CDHR5: variants seen among roughly 807,000 people sequenced by gnomAD.
CDHR5 encodes cadherin related family member 5, also known as cadherin-related family member 5.
A neutral mutation model predicts 69.5 loss-of-function variants in CDHR5; 82 were observed. That is an observed-to-expected ratio of 1.18 (90% confidence interval 0.99 to 1.42). CDHR5 has a LOEUF of 1.42. CDHR5 is among the 40% of genes most tolerant of loss of function. The pLI is 0.00. For missense variants in CDHR5, 1,293 were observed against 1,168.9 expected, an observed-to-expected ratio of 1.11 and a Z score of -1.55; for synonymous variants, 601 against 510.2, an observed-to-expected ratio of 1.18 and a Z score of -2.40.
Position 617,698 on chromosome 11 carries a change from TG to T in CDHR5, c.2190del (p.Ser731AlafsTer44), listed in dbSNP as rs1228979975. On this transcript the variant is annotated frameshift_variant, in exon 15 of 15. Coordinates refer to ENST00000397542, the MANE Select transcript of CDHR5 (RefSeq NM_021924.5). LOFTEE classifies it low-confidence loss of function (END_TRUNC). ...GCGGGCTTGGGGTCGTGCGTGGGGC[TG>T]GGGACGGGCGCCCAGTTGGCCTTGT... is the stretch of plus-strand genomic sequence containing the variant. Reference protein sequence around the residue: ...PDHKANWAPVPSPTHDPKPAE... With the variant: ...PDHKANWAPVXSPTHDPKPAE... 1.4e-6 allele frequency: 2 copies of T among 1,464,728 alleles called. No homozygotes were observed. The highest frequency in any genetic ancestry group is 2.7e-5 in the Admixed American group (1 of 37,674). The allele number at this position is 1,464,728 out of a possible 1,614,324, so 90.7% of individuals were successfully genotyped here.
chr11:620,504 T>C lies in CDHR5; in HGVS notation c.790-118A>G, dbSNP rs535564538. 211 of 660,094 alleles carry C rather than the reference T, an allele frequency of 3.2e-4. 1 individual carries two copies. In the African/African-American group the frequency reaches 3.2e-3, roughly 10 times the overall value. 40.9% of individuals were successfully genotyped at this position (660,094 alleles called of 1,614,324 possible). A position where few individuals can be genotyped will look rare whatever the true frequency, so the allele number is the denominator to read the frequency against. On this transcript the variant is annotated intron_variant, in intron 7 of 14. Coordinates refer to ENST00000397542, the MANE Select transcript of CDHR5 (RefSeq NM_021924.5). ...CTGAGGAGGGGCCCAGTCCCGCTGGTGGCCGGGCGTCCCTGCCTGCCTAGG... is the reference window on the plus strand; with the variant it reads ...CTGAGGAGGGGCCCAGTCCCGCTGGCGGCCGGGCGTCCCTGCCTGCCTAGG...
rs1857590577 is a variant in CDHR5, at chr11:624,347, G to A, written c.262-84C>T. 1.4e-6 allele frequency: 1 copy of A among 731,316 alleles called. No individual in the cohort carries two copies. The highest frequency in any genetic ancestry group is 1.7e-5 in the African/African-American group (1 of 57,748). 45.3% of individuals were successfully genotyped at this position (731,316 alleles called of 1,614,324 possible). A position where few individuals can be genotyped will look rare whatever the true frequency, so the allele number is the denominator to read the frequency against. On this transcript the variant is annotated intron_variant, in intron 2 of 14. Coordinates refer to ENST00000397542, the MANE Select transcript of CDHR5 (RefSeq NM_021924.5). This position sits in a 1 kb window ranked among gnomAD's most constrained non-coding sequence, Gnocchi z 5.3. Reference sequence around the variant, plus strand: ...CCAAGTGGGCAGGCGCTGGCCCAGGGTCCCCATCATCAGTGGTCAGTGCTG... The same window carrying A: ...CCAAGTGGGCAGGCGCTGGCCCAGGATCCCCATCATCAGTGGTCAGTGCTG...
In CDHR5 at chr11:619,129, G is replaced by A. The variant is rs965284051; in HGVS notation, c.1430C>T (p.Thr477Ile). The A allele has an allele frequency of 1.7e-5, 27 of 1,589,766 alleles. No homozygotes were observed. Among genetic ancestry groups the A allele is most frequent in the African/African-American group, 6.8e-5 (5 of 73,854 alleles). ...AGGGGGTCTGGGGACCTCGGAAGTG[G>A]TGCTGGTCCAGGGCCCAGTTGTTCC... ...AGGTTGPWTS[T>I]TSEVPRPPEP... The change falls in exon 13 of 15, where the codon ACC (threonine) becomes ATC (isoleucine). Residue 477 changes from threonine (T) to isoleucine (I), a missense_variant. Thr to Ile is a moderately conservative substitution (Grantham distance 89). Coordinates refer to ENST00000397542, the MANE Select transcript of CDHR5 (RefSeq NM_021924.5).
rs370625525 is a variant in CDHR5, at chr11:618,054, C to A, written c.2018G>T (p.Gly673Val). The A allele has an allele frequency of 1.1e-5, 17 of 1,612,084 alleles. No homozygotes were observed. Among genetic ancestry groups the A allele is most frequent in the Non-Finnish European group, 5.1e-6 (6 of 1,179,644 alleles). ...FSVVDMAALG[G>V]VLGALLLLAL... ...CAGCAGCAGCAGCGCACCCAGCACCCCGCCCAGGGCCGCCATATCCACCAC... is the reference window on the plus strand; with the variant it reads ...CAGCAGCAGCAGCGCACCCAGCACCACGCCCAGGGCCGCCATATCCACCAC... Residue 673 changes from glycine to valine, a missense_variant, in exon 14 of 15, where the codon GGG becomes GTG. Coordinates refer to ENST00000397542, the MANE Select transcript of CDHR5 (RefSeq NM_021924.5).
chr11:623,803 C>T (rs115639586), intron 3 of CDHR5, among the ~76,000 whole-genome samples: 2,292 of 151,970 alleles, frequency 0.015, 59 homozygotes, highest in African/African-American at 0.053. Flanking sequence ...GTGTCCCGGC[C>T]CTGATGGGAC....
chr11:617,919 T>G (rs560553793), intron 14 of CDHR5, 35 bp downstream of exon 14: 1 of 1,600,538 alleles, frequency 6.2e-7, no homozygotes, highest in South Asian at 1.1e-5. Flanking sequence ...ACTTCCTGCC[T>G]GGTCGCCTGC....
Position 618,013 on chromosome 11 carries a change from C to T in CDHR5, c.2059G>A (p.Ala687Thr), listed in dbSNP as rs7108757. 0.22 allele frequency: 348,685 copies of T among 1,610,710 alleles called. 39,855 individuals are homozygous for T. The highest frequency in any genetic ancestry group is 0.27 in the Admixed American group (16,111 of 59,790). The change falls in exon 14 of 15, where the codon GCC (alanine) becomes ACC (threonine). Residue 687 changes from alanine to threonine, a missense_variant. By Grantham distance (58) the Ala-to-Thr change is moderately conservative (BLOSUM62 0). Transcript: ENST00000397542. ...CCATAGTGCTTGTGGACAAGGACGGCGAGGCCAAGGAGAGCCAGCAGCAGC... is the reference window on the plus strand; with the variant it reads ...CCATAGTGCTTGTGGACAAGGACGGTGAGGCCAAGGAGAGCCAGCAGCAGC... ...ALLLLALLGLAVLVHKHYGPR... is the reference protein window; with the variant it reads ...ALLLLALLGLTVLVHKHYGPR...
intron 3 of CDHR5, among the ~76,000 whole-genome samples, chr11:622,451 T>G (rs1857469591): frequency 2.6e-5 from 4 of 151,916 alleles, no homozygotes; most frequent in East Asian, 1.9e-4. Flanking sequence ...TTTTTGTTTT[T>G]GTTTTTTGGT....
Position 617,179 on chromosome 11 carries a change from A to C in CDHR5, c.*172T>G, listed in dbSNP as rs1032019553. On this transcript the variant is annotated 3_prime_UTR_variant, in exon 15 of 15. Coordinates refer to ENST00000397542, the MANE Select transcript of CDHR5 (RefSeq NM_021924.5). ...CCGCCTCATCTGCACACCTGGGCTC[A>C]AGCGCTAATGACGACAGGGGACTGA... is the stretch of plus-strand genomic sequence containing the variant. The C allele has an allele frequency of 3.3e-6, 2 of 611,996 alleles. No homozygotes were observed. The highest frequency in any genetic ancestry group is 1.9e-5 in the African/African-American group (1 of 53,504). The allele number at this position is 611,996 out of a possible 1,614,324, so 37.9% of individuals were successfully genotyped here. A position where few individuals can be genotyped will look rare whatever the true frequency, so the allele number is the denominator to read the frequency against.
In CDHR5 at chr11:621,581, G is replaced by A. The variant is rs770572456; in HGVS notation, c.488C>T (p.Thr163Ile). 10 of 1,613,418 alleles carry A rather than the reference G, an allele frequency of 6.2e-6. No individual in the cohort carries two copies. Among genetic ancestry groups the A allele is most frequent in the South Asian group, 3.3e-5 (3 of 91,070 alleles). ...DRDKDDILFY[T>I]LQEMTAGASD... Reference sequence around the variant, plus strand: ...ACTGACTGCTGTCATTTCCTGGAGGGTGTAGAACAGAATGTCGTCCTTGTC... The same window carrying A: ...ACTGACTGCTGTCATTTCCTGGAGGATGTAGAACAGAATGTCGTCCTTGTC... Residue 163 changes from threonine (T) to isoleucine (I), a missense_variant, in exon 5 of 15, where the codon ACC (threonine) becomes ATC (isoleucine). By Grantham distance (89) the Thr-to-Ile change is moderately conservative. Transcript: ENST00000397542. This position sits in a 1 kb window ranked among gnomAD's most constrained non-coding sequence, Gnocchi z 4.4.
chr11:618,954 G>C lies in CDHR5; in HGVS notation c.1605C>G (p.Pro535=), dbSNP rs781171559. Residue 535 remains proline, a synonymous_variant, in exon 13 of 15, where the codon CCC becomes CCG. Coordinates refer to ENST00000397542, the MANE Select transcript of CDHR5 (RefSeq NM_021924.5). ...ENSTSHQPAT[P]GGDTAQTPKP... ...TTGGGGTCTGTGCTGTGTCCCCACC[G>C]GGAGTGGCTGGTTGGTGGGAGGTGC... is the stretch of plus-strand genomic sequence containing the variant. 1 of 1,610,780 alleles carries C rather than the reference G, an allele frequency of 6.2e-7. No homozygotes were observed. Among genetic ancestry groups the C allele is most frequent in the African/African-American group, 1.3e-5 (1 of 74,758 alleles).
chr11:622,538 C>T (rs1857474520), intron 3 of CDHR5, among the ~76,000 whole-genome samples: 1 of 151,670 alleles, frequency 6.6e-6, no homozygotes, highest in Non-Finnish European at 1.5e-5. Flanking sequence ...CGGCTCACTG[C>T]AACCTCTGCC....
rs1589935712 is a variant in CDHR5 at position 619,106 on chromosome 11, G to A, written c.1453C>T (p.Pro485Ser). 1 of 1,604,370 alleles carries A rather than the reference G, an allele frequency of 6.2e-7. No individual in the cohort carries two copies. Among genetic ancestry groups the A allele is most frequent in the Non-Finnish European group, 8.5e-7 (1 of 1,176,800 alleles). ...GTGGAGGGTCCCTGGGAGGGCTCAG[G>A]GGGTCTGGGGACCTCGGAAGTGGTG... ...TSTTSEVPRP[P>S]EPSQGPSTTS... Residue 485 changes from proline (P) to serine (S), a missense_variant, in exon 13 of 15, where the codon CCT becomes TCT. Physicochemically the swap from Pro to Ser is moderately conservative, Grantham distance 74. Transcript: ENST00000397542.
In CDHR5 at chr11:621,328, T is replaced by C. The variant is rs375267795; in HGVS notation, c.618+17A>G. ...GCCTCAAGTGTGTGGGACTCGGGGC[T>C]GGGGTGACCTGCTCACCCGCACCAG... On this transcript the variant is annotated intron_variant, in intron 6 of 14. Transcript: ENST00000397542. This position sits in a 1 kb window ranked among gnomAD's most constrained non-coding sequence, Gnocchi z 4.4. 37 of 1,612,126 alleles carry C rather than the reference T, an allele frequency of 2.3e-5. No homozygotes were observed. Among genetic ancestry groups the C allele is most frequent in the Non-Finnish European group, 2.9e-5 (34 of 1,179,090 alleles).
Position 621,821 on chromosome 11 carries a change from C to G in CDHR5, c.396G>C (p.Arg132Ser). ...PEFPFKTKEI[R>S]VEEDTKVNST... ...GCTTCGCTGGCCTCACCTCCTCCAC[C>G]CTTATCTCCTTGGTCTTAAAGGGGA... The change falls in exon 4 of 15, where the codon AGG becomes AGC. Residue 132 changes from arginine to serine, a missense_variant. Transcript: ENST00000397542. This position sits in a 1 kb window ranked among gnomAD's most constrained non-coding sequence, Gnocchi z 4.4. 1 of 1,613,290 alleles carries G rather than the reference C, an allele frequency of 6.2e-7. No homozygotes were observed. Among genetic ancestry groups the G allele is most frequent in the Non-Finnish European group, 8.5e-7 (1 of 1,179,524 alleles).
Position 624,369 on chromosome 11 carries a change from G to A in CDHR5, c.262-106C>T. 2 of 742,238 alleles carry A rather than the reference G, an allele frequency of 2.7e-6. No individual in the cohort carries two copies. Among genetic ancestry groups the A allele is most frequent in the Non-Finnish European group, 2.5e-6 (1 of 406,430 alleles). The allele number at this position is 742,238 out of a possible 1,614,324, so 46.0% of individuals were successfully genotyped here. A position where few individuals can be genotyped will look rare whatever the true frequency, so the allele number is the denominator to read the frequency against. ...AGGGTCCCCATCATCAGTGGTCAGT[G>A]CTGAGGGTGTGGGCCCAGGCAGCTT... On this transcript the variant is annotated intron_variant, in intron 2 of 14. Transcript: ENST00000397542. This position sits in a 1 kb window ranked among gnomAD's most constrained non-coding sequence, Gnocchi z 5.3.
In CDHR5 at chr11:621,155, C is replaced by T. The variant is rs749030383; in HGVS notation, c.714G>A (p.Leu238=). The change falls in exon 7 of 15, where the codon CTG becomes CTA. Residue 238 remains leucine (L), a synonymous_variant. Coordinates refer to ENST00000397542, the MANE Select transcript of CDHR5 (RefSeq NM_021924.5). This position sits in a 1 kb window ranked among gnomAD's most constrained non-coding sequence, Gnocchi z 4.4. ...CGTAGCCATCTGAGAAGGTGCAGGG[C>T]AGGAACCACGGGGGCCGCAGGTCGG... The part of the protein sequence containing the change: ...VPADLRPPWF[L]PCTFSDGYVC... The T allele has an allele frequency of 6.2e-7, 1 of 1,604,092 alleles. No individual in the cohort carries two copies. The highest frequency in any genetic ancestry group is 8.5e-7 in the Non-Finnish European group (1 of 1,174,778).
rs1856955849 is a variant in CDHR5 at position 617,154 on chromosome 11, C to T, written c.*197G>A. 1.7e-6 allele frequency: 1 copy of T among 593,280 alleles called. No homozygotes were observed. Among genetic ancestry groups the T allele is most frequent in the Non-Finnish European group, 3.0e-6 (1 of 329,852 alleles). The allele number at this position is 593,280 out of a possible 1,614,324, so 36.8% of individuals were successfully genotyped here. A position where few individuals can be genotyped will look rare whatever the true frequency, so the allele number is the denominator to read the frequency against. ...GGTGGGGACAGCGTGGCCAGACCCA[C>T]CGCCTCATCTGCACACCTGGGCTCA... On this transcript the variant is annotated 3_prime_UTR_variant, in exon 15 of 15. Coordinates refer to ENST00000397542, the MANE Select transcript of CDHR5 (RefSeq NM_021924.5).
In CDHR5 at chr11:617,948, C is replaced by T. The variant is rs1316660984; in HGVS notation, c.2118+6G>A. 6.8e-6 allele frequency: 11 copies of T among 1,609,764 alleles called. No individual in the cohort carries two copies. The South Asian group carries it at 1.2e-4, about 18-fold the overall frequency. On this transcript the variant is annotated splice_donor_region_variant and intron_variant, in intron 14 of 14. Coordinates refer to ENST00000397542, the MANE Select transcript of CDHR5 (RefSeq NM_021924.5). Reference sequence around the variant, plus strand: ...CGCCTGCCCTGTTCTCCATCCTGGGCCTCACCGGAGCTTTGCCACAGCAGC... The same window carrying T: ...CGCCTGCCCTGTTCTCCATCCTGGGTCTCACCGGAGCTTTGCCACAGCAGC...
Sources: allele counts gnomAD v4.1 joint callset (sites outside exome capture counted in the v4.1 genomes callset), GRCh38; gene constraint gnomAD v4.1.1; non-coding constraint Gnocchi (gnomAD v3.1); transcripts MANE v1.5; gene names NCBI Gene and HGNC (gene_info 2026-07-23, HGNC 2026-07-21).